TTLL5: variants seen among roughly 807,000 people sequenced by gnomAD.
TTLL5 encodes tubulin polyglutamylase TTLL5.
Under a neutral mutation model 168.4 loss-of-function variants are expected in TTLL5, and 132 were observed. That is an observed-to-expected ratio of 0.78 (90% confidence interval 0.68 to 0.91). The LOEUF (loss-of-function observed/expected upper bound fraction) is 0.91, where lower values mean the gene tolerates loss of function less well. TTLL5 is among the 40% of genes least tolerant of loss of function. TTLL5 has a pLI of 0.00. For synonymous variants in TTLL5, 546 were observed against 558.6 expected, an observed-to-expected ratio of 0.98 and a Z score of 0.32; for missense variants, 1,545 against 1,581.5, an observed-to-expected ratio of 0.98 and a Z score of 0.39.
At chr14:75,715,437 C>T (rs1156251795) in intron 9 of TTLL5, among the ~76,000 whole-genome samples, 2 of 152,158 alleles carry the variant, frequency 1.3e-5, no homozygotes, top group Non-Finnish European at 2.9e-5. Context: ...AGGTCACATT[C>T]AAGACTAATG....
At chr14:75,890,403 C>T (rs1344554993) in intron 30 of TTLL5, among the ~76,000 whole-genome samples, 1 of 152,138 alleles carries the variant, frequency 6.6e-6, no homozygotes, top group Non-Finnish European at 1.5e-5. Flanking sequence ...AATAAACATA[C>T]TTCTGCCAGA....
At chr14:75,928,454 G>T (rs1447024590) in intron 31 of TTLL5, among the ~76,000 whole-genome samples, 2 of 148,162 alleles carry the variant, frequency 1.3e-5, no homozygotes, top group African/African-American at 5.0e-5. Context: ...ACAAACCTCA[G>T]CTTTTATGGC....
intron 5 of TTLL5, chr14:75,684,313 C>T (rs954858302): frequency 5.3e-5 from 8 of 152,136 alleles, no homozygotes; most frequent in African/African-American, 1.9e-4. Context: ...AAGAATGGCT[C>T]ACCTAGAATC....
At chr14:75,942,457 G>A (rs189530857) in intron 31 of TTLL5, among the ~76,000 whole-genome samples, 19 of 152,220 alleles carry the variant, frequency 1.2e-4, no homozygotes, top group Admixed American at 7.8e-4. Flanking sequence ...TGTAAGATGC[G>A]ATCTCAGCAC....
intron 28 of TTLL5, among the ~76,000 whole-genome samples, chr14:75,826,128 A>G (rs1271898146): frequency 6.6e-6 from 1 of 152,128 alleles, no homozygotes; most frequent in Non-Finnish European, 1.5e-5. Flanking sequence ...GAGTGTCAGG[A>G]GTGAAAAACG....
chr14:75,704,168 C>A (rs1886477729), intron 7 of TTLL5, among the ~76,000 whole-genome samples: 1 of 152,190 alleles, frequency 6.6e-6, no homozygotes, highest in Non-Finnish European at 1.5e-5. Flanking sequence ...AGCATAGACA[C>A]TCTTAACCAC....
chr14:75,864,320 A>T (rs754043586), intron 29 of TTLL5, among the ~76,000 whole-genome samples: 4 of 152,178 alleles, frequency 2.6e-5, no homozygotes, highest in Non-Finnish European at 5.9e-5. Flanking sequence ...ATAAGTTGCA[A>T]GTTCTTCTGG....
Position 75,707,028 on chromosome 14 carries a change from TC to T in TTLL5, c.597del (p.Ser200ProfsTer18). 2 of 1,609,332 alleles carry T rather than the reference TC, an allele frequency of 1.2e-6. No individual in the cohort carries two copies. The highest frequency in any genetic ancestry group is 1.7e-6 in the Non-Finnish European group (2 of 1,177,106). ...CTCTTTACTCAATAGCCAAACCAGA[TC>T]TCCCTGGAAGAGAACATTTTGGTCT... ...GVYLINNPNQ[I>X]SLEENILVSR... On this transcript the variant is annotated frameshift_variant, in exon 8 of 32. Transcript: ENST00000298832. LOFTEE classifies it high-confidence loss of function.
intron 31 of TTLL5, among the ~76,000 whole-genome samples, chr14:75,943,978 G>A (rs1467074279): frequency 6.6e-6 from 1 of 152,222 alleles, no homozygotes; most frequent in African/African-American, 2.4e-5. Flanking sequence ...TGAACTCAAA[G>A]ATGGATTTAA....
At chr14:75,823,070 A>T (rs1894922728) in intron 28 of TTLL5, among the ~76,000 whole-genome samples, 1 of 152,180 alleles carries the variant, frequency 6.6e-6, no homozygotes, top group Non-Finnish European at 1.5e-5. Flanking sequence ...TAGAAGCCTG[A>T]GGTGTGCCTC....
At chr14:75,951,565 G>C (rs1021795105) in intron 31 of TTLL5, among the ~76,000 whole-genome samples, 3 of 152,032 alleles carry the variant, frequency 2.0e-5, no homozygotes, top group African/African-American at 7.2e-5. Flanking sequence ...TTCGAGACCA[G>C]CCTGGGCAAC....
In TTLL5 at chr14:75,793,010, T is replaced by C; in HGVS notation, c.3081T>C (p.Ser1027=). ...ASLYSKRYNQ[S]MVTAELQRLA... ...TATATAGCAAACGGTACAACCAAAG[T>C]ATGGTTACAGCTGAACTTCAGCGGC... The change falls in exon 27 of 32, where the codon AGT becomes AGC. Residue 1027 remains serine (S), a synonymous_variant. Transcript: ENST00000298832. The C allele has an allele frequency of 6.2e-7, 1 of 1,613,782 alleles. No homozygotes were observed. Among genetic ancestry groups the C allele is most frequent in the Non-Finnish European group, 8.5e-7 (1 of 1,179,790 alleles).
intron 9 of TTLL5, chr14:75,710,882 C>T (rs1314849743): frequency 6.6e-6 from 1 of 152,166 alleles, no homozygotes; most frequent in Non-Finnish European, 1.5e-5. Context: ...CAAGAAAAAC[C>T]ATAATCTTTC....
chr14:75,735,394 A>C, intron 15 of TTLL5, 105 bp downstream of exon 15: 2 of 1,093,906 alleles, frequency 1.8e-6, no homozygotes, highest in South Asian at 2.5e-5. Context: ...CACTTAGAGC[A>C]GGAGAATTTG....
chr14:75,684,976 A>C (rs1884926992), intron 5 of TTLL5: 1 of 152,230 alleles, frequency 6.6e-6, no homozygotes, highest in African/African-American at 2.4e-5. Context: ...ACTTCATTAA[A>C]AAGCATATTT....
chr14:75,791,152 T>C (rs1892695536), intron 26 of TTLL5, among the ~76,000 whole-genome samples: 1 of 148,774 alleles, frequency 6.7e-6, no homozygotes, highest in Non-Finnish European at 1.5e-5. Context: ...TACATAAACT[T>C]GAAAATTTAC....
At chr14:75,772,802 T>C (rs994583289) in intron 21 of TTLL5, among the ~76,000 whole-genome samples, 1 of 151,918 alleles carries the variant, frequency 6.6e-6, no homozygotes, top group African/African-American at 2.4e-5. Flanking sequence ...CAAGTAGCTG[T>C]GATTACAGGC....
chr14:75,904,450 A>T (rs1334633398), intron 31 of TTLL5, among the ~76,000 whole-genome samples: 1 of 152,128 alleles, frequency 6.6e-6, no homozygotes, highest in Non-Finnish European at 1.5e-5. Context: ...TGCGTGTCTG[A>T]TTGATAAATT....
At chr14:75,899,661 A>T (rs1346598420) in intron 30 of TTLL5, among the ~76,000 whole-genome samples, 1 of 152,116 alleles carries the variant, frequency 6.6e-6, no homozygotes, top group African/African-American at 2.4e-5. Context: ...AAGGCCTTTG[A>T]TGGGAGTTGA....
Sources: allele counts gnomAD v4.1 joint callset (sites outside exome capture counted in the v4.1 genomes callset), GRCh38; gene constraint gnomAD v4.1.1; transcripts MANE v1.5; gene names NCBI Gene and HGNC (gene_info 2026-07-23, HGNC 2026-07-21).